The following TRIO variants were observed in gnomAD, a reference collection of about 807,000 sequenced individuals.
TRIO encodes the protein triple functional domain protein.
Under a neutral mutation model 351.9 loss-of-function variants are expected in TRIO, and 58 were observed. That is an observed-to-expected ratio of 0.16 (90% CI 0.13 to 0.21). The LOEUF is 0.21. TRIO is among the 10% of genes least tolerant of loss of function. TRIO has a pLI of 1.00. For missense variants in TRIO, 3,201 were observed against 4,027.8 expected, an observed-to-expected ratio of 0.79 and a Z score of 5.56; for synonymous variants, 1,758 against 1,595.7, an observed-to-expected ratio of 1.10 and a Z score of -2.42.
At chr5:14,376,206 T>C (rs1487873443) in intron 19 of TRIO, among the ~76,000 whole-genome samples, 1 of 152,196 alleles carries the variant, frequency 6.6e-6, no homozygotes, top group Non-Finnish European at 1.5e-5. Context: ...GTGGAAAACT[T>C]CCTATATTAA....
chr5:14,477,868 C>T (rs1276236070), intron 41 of TRIO, among the ~76,000 whole-genome samples: 1 of 152,204 alleles, frequency 6.6e-6, no homozygotes, highest in Non-Finnish European at 1.5e-5. Context: ...CCACCCATCT[C>T]TTTGAAGTCT....
chr5:14,329,298 T>G (rs1397284339), intron 9 of TRIO, among the ~76,000 whole-genome samples: 1 of 152,244 alleles, frequency 6.6e-6, no homozygotes, highest in African/African-American at 2.4e-5. Flanking sequence ...TCTGAATGTT[T>G]GTGTCCCCCC....
chr5:14,450,844 C>T (rs926054184), intron 34 of TRIO, among the ~76,000 whole-genome samples: 7 of 152,246 alleles, frequency 4.6e-5, no homozygotes, highest in African/African-American at 1.7e-4. Flanking sequence ...CCCCTGGGGA[C>T]GCAGTGTCCA....
Position 14,508,353 on chromosome 5 carries a change from C to T in TRIO, c.9225C>T (p.His3075=), listed in dbSNP as rs749923389. The change falls in exon 57 of 57, where the codon CAC becomes CAT. Residue 3075 remains histidine (H), a synonymous_variant. Coordinates refer to ENST00000344204, the MANE Select transcript of TRIO (RefSeq NM_007118.4). ...CTTCCTTCATTGAGCGGCGCAAACA[C>T]CAGAATGATGTTCGACCTATCCGTA... ...RLTSFIERRK[H]QNDVRPIRSI... 9 of 1,614,022 alleles carry T rather than the reference C, an allele frequency of 5.6e-6. No homozygotes were observed. The highest frequency in any genetic ancestry group is 7.6e-6 in the Non-Finnish European group (9 of 1,180,052).
intron 46 of TRIO, among the ~76,000 whole-genome samples, chr5:14,483,931 C>G (rs1755726128): frequency 1.3e-5 from 2 of 152,090 alleles, no homozygotes; most frequent in Admixed American, 6.6e-5. Flanking sequence ...ACTGTGCACC[C>G]ATACGCTGAA....
intron 16 of TRIO, 149 bp from the exon 17 acceptor site, chr5:14,368,559 T>C: frequency 1.3e-6 from 1 of 763,766 alleles, no homozygotes; most frequent in Non-Finnish European, 2.0e-6. Context: ...CTAAACTGTC[T>C]GCTGTGCTTT....
intron 20 of TRIO, among the ~76,000 whole-genome samples, chr5:14,379,073 G>A (rs1745831622): frequency 2.0e-5 from 3 of 152,088 alleles, no homozygotes; most frequent in South Asian, 2.1e-4. Flanking sequence ...TTAAGAATCC[G>A]TAAACTTTCA....
At chr5:14,203,076 C>G (rs909668695) in intron 1 of TRIO, among the ~76,000 whole-genome samples, 2 of 151,998 alleles carry the variant, frequency 1.3e-5, no homozygotes, top group African/African-American at 4.8e-5. Flanking sequence ...TACCTGATAC[C>G]TCAGGTTATA....
intron 9 of TRIO, among the ~76,000 whole-genome samples, chr5:14,327,456 G>A (rs867791742): frequency 1.1e-4 from 16 of 152,216 alleles, no homozygotes; most frequent in Middle Eastern, 3.4e-3. Context: ...GAGCCACCGC[G>A]CCTGGCCAGA....
intron 39 of TRIO, among the ~76,000 whole-genome samples, chr5:14,473,367 C>G (rs759602166): frequency 6.6e-6 from 1 of 152,136 alleles, no homozygotes; most frequent in South Asian, 2.1e-4. Context: ...GTTACACATC[C>G]CATTAAAAGT....
At chr5:14,178,805 C>T (rs1333731062) in intron 1 of TRIO, among the ~76,000 whole-genome samples, 1 of 152,150 alleles carries the variant, frequency 6.6e-6, no homozygotes. Flanking sequence ...GGAGAGTGGT[C>T]ACAGGGGTGC....
At chr5:14,442,278 G>A (rs764947140) in intron 34 of TRIO, among the ~76,000 whole-genome samples, 10 of 152,330 alleles carry the variant, frequency 6.6e-5, no homozygotes, top group Non-Finnish European at 1.5e-4. Context: ...GCGGCAAGAC[G>A]CAGAGAGCCA....
In TRIO at chr5:14,291,151, C is replaced by T; in HGVS notation, c.976C>T (p.His326Tyr). ...DRLHSTRQHLHQMWHVRKLKL... is the reference protein window; with the variant it reads ...DRLHSTRQHLYQMWHVRKLKL... ...GCTGCACTCGACACGGCAGCATCTG[C>T]ACCAGATGTGGCATGTGAGGAAGCT... The change falls in exon 5 of 57, where the codon CAC becomes TAC. Residue 326 changes from histidine to tyrosine, a missense_variant. Physicochemically the swap from His to Tyr is moderately conservative, Grantham distance 83. Around this residue, in one of 19 missense-constraint regions of TRIO, gnomAD observed 349 missense variants for 449.3 expected, o/e 0.78. Coordinates refer to ENST00000344204, the MANE Select transcript of TRIO (RefSeq NM_007118.4). 1.9e-6 allele frequency: 3 copies of T among 1,614,186 alleles called. No individual in the cohort carries two copies. The highest frequency in any genetic ancestry group is 2.5e-6 in the Non-Finnish European group (3 of 1,180,038).
rs1333974688 is a variant in TRIO at position 14,394,149 on chromosome 5, C to T, written c.4311+19C>T. Reference sequence around the variant, plus strand: ...TTTAAAAGTATGTATAATGCGTCTTCAGCCTGTGAAATTTTATGAATTATG... The same window carrying T: ...TTTAAAAGTATGTATAATGCGTCTTTAGCCTGTGAAATTTTATGAATTATG... On this transcript the variant is annotated intron_variant, in intron 28 of 56. Transcript: ENST00000344204. 1 of 1,488,028 alleles carries T rather than the reference C, an allele frequency of 6.7e-7. No homozygotes were observed. Among genetic ancestry groups the T allele is most frequent in the Admixed American group, 1.8e-5 (1 of 54,222 alleles). The allele number at this position is 1,488,028 out of a possible 1,614,324, so 92.2% of individuals were successfully genotyped here.
chr5:14,187,222 C>CT (rs1345719731), intron 1 of TRIO, among the ~76,000 whole-genome samples: 1 of 152,210 alleles, frequency 6.6e-6, no homozygotes, highest in African/African-American at 2.4e-5. Context: ...TTTTTCCCCA[C>CT]TCCACTGTTT....
chr5:14,317,380 C>A (rs747549853), intron 9 of TRIO, among the ~76,000 whole-genome samples: 1 of 152,120 alleles, frequency 6.6e-6, no homozygotes, highest in Non-Finnish European at 1.5e-5. Flanking sequence ...ATAGCCATGT[C>A]CTTGCCCCCA....
At chr5:14,181,691 C>T (rs544944110) in intron 1 of TRIO, among the ~76,000 whole-genome samples, 252 of 152,260 alleles carry the variant, frequency 1.7e-3, no homozygotes, top group Non-Finnish European at 2.7e-3. Flanking sequence ...GCTGGCTGCC[C>T]CCTGCTTGAC....
intron 37 of TRIO, among the ~76,000 whole-genome samples, chr5:14,468,448 C>A (rs147660971): frequency 1.4e-4 from 22 of 152,358 alleles, no homozygotes; most frequent in African/African-American, 5.3e-4. Context: ...CTGGTGCCTT[C>A]CCCTCCCTTG....
At chr5:14,506,768 A>C (rs1294558791) in intron 55 of TRIO, among the ~76,000 whole-genome samples, 2 of 152,120 alleles carry the variant, frequency 1.3e-5, no homozygotes, top group African/African-American at 4.8e-5. Context: ...AGCTCCGAGA[A>C]GCATGAGCTA....
Sources: allele counts gnomAD v4.1 joint callset (sites outside exome capture counted in the v4.1 genomes callset), GRCh38; gene constraint gnomAD v4.1.1; regional missense constraint gnomAD v4.1.1; transcripts MANE v1.5; gene names NCBI Gene and HGNC (gene_info 2026-07-23, HGNC 2026-07-21).